Variants in CA6 observed in about 807,000 individuals in gnomAD.
The protein encoded by CA6 is carbonate dehydratase VI.
A neutral mutation model predicts 35.9 loss-of-function variants in CA6; 28 were observed. The observed-to-expected ratio is 0.78, with a 90% CI of 0.58 to 1.07. The LOEUF (loss-of-function observed/expected upper bound fraction) is 1.07. Among genes scored for constraint, CA6 ranks in the 50% least tolerant of loss-of-function variants. The pLI is 0.00. For missense variants in CA6, 377 were observed against 382.0 expected (o/e 0.99, Z 0.11); for synonymous variants, 148 against 152.6 (o/e 0.97, Z 0.22).
chr1:8,974,300 C>T (rs754130068), intron 7 of CA6: 88 of 1,255,046 alleles, frequency 7.0e-5, no homozygotes, highest in South Asian at 1.8e-4. Flanking sequence ...TGGCCAAATA[C>T]GGACCTCTTG....
At chr1:8,955,048 T>A (rs183945655) in intron 2 of CA6, among the ~76,000 whole-genome samples, 1 of 61,532 alleles carries the variant, frequency 1.6e-5, no homozygotes, top group Non-Finnish European at 4.4e-5. Flanking sequence ...CACTGATCCA[T>A]TAATATATAT....
At chr1:8,960,649 G>C (rs1418091102) in intron 4 of CA6, among the ~76,000 whole-genome samples, 5 of 151,648 alleles carry the variant, frequency 3.3e-5, no homozygotes, top group African/African-American at 7.3e-5. Context: ...TTTGAAGATA[G>C]AGCAATGAAA....
chr1:8,946,807 T>TTTG (rs1405236397), intron 1 of CA6, among the ~76,000 whole-genome samples: 7 of 17,340 alleles, frequency 4.0e-4, no homozygotes, highest in African/African-American at 1.4e-3. Context: ...TTTTTTTTGT[T>TTTG]TTTTTTTTTT....
chr1:8,949,526 G>A, intron 2 of CA6, 84 bp downstream of exon 2: 1 of 1,210,116 alleles, frequency 8.3e-7, no homozygotes, highest in Non-Finnish European at 1.2e-6. Flanking sequence ...GCCAGGAATG[G>A]CTTGCACAGA....
At chr1:8,953,516 G>C (rs995450567) in intron 2 of CA6, among the ~76,000 whole-genome samples, 6 of 152,162 alleles carry the variant, frequency 3.9e-5, no homozygotes, top group Admixed American at 2.6e-4. Flanking sequence ...CTACATAGGA[G>C]GTTGAGGTGC....
In CA6 at chr1:8,974,638, T is replaced by C; in HGVS notation, c.861T>C (p.Ser287=). The change falls in exon 8 of 8, where the codon TCT becomes TCC. Residue 287 remains serine (S), a synonymous_variant. Transcript: ENST00000377443. The stretch of plus-strand genomic sequence containing the variant: ...TTTTTACAGAATACACTCTAGGCTC[T>C]GAATTCCAGTTTTACCTACATAAGA... ...NFPNQEYTLG[S]EFQFYLHKIE... The C allele has an allele frequency of 6.2e-7, 1 of 1,606,328 alleles. No individual in the cohort carries two copies. Among genetic ancestry groups the C allele is most frequent in the Non-Finnish European group, 8.5e-7 (1 of 1,174,352 alleles).
At position 8,974,771 on chromosome 1, in the gene CA6, G is replaced by T; in HGVS notation, c.*67G>T. The stretch of plus-strand genomic sequence containing the variant: ...CTGACCTAGCCAGAAGTGCCTGTCC[G>T]CTGCAGCCGCACCCTACCTTGTCTA... On this transcript the variant is annotated 3_prime_UTR_variant, in exon 8 of 8. Transcript: ENST00000377443. The T allele has an allele frequency of 1.2e-6, 1 of 863,824 alleles. No homozygotes were observed. The highest frequency in any genetic ancestry group is 2.7e-5 in the Admixed American group (1 of 37,368). The allele number at this position is 863,824 out of a possible 1,614,324, so 53.5% of individuals were successfully genotyped here.
intron 6 of CA6, among the ~76,000 whole-genome samples, chr1:8,969,653 A>G (rs1640058001): frequency 6.7e-6 from 1 of 150,236 alleles, no homozygotes; most frequent in African/African-American, 2.4e-5. Flanking sequence ...GTGTGTAGAT[A>G]TGTGTGTGTG....
At chr1:8,946,658 C>T (rs1021404388) in intron 1 of CA6, among the ~76,000 whole-genome samples, 1 of 151,978 alleles carries the variant, frequency 6.6e-6, no homozygotes, top group Admixed American at 6.6e-5. Context: ...AAAAGACTCT[C>T]GGTAACCTCA....
intron 6 of CA6, among the ~76,000 whole-genome samples, chr1:8,970,205 C>CAAAA (rs57388930): frequency 2.3e-5 from 2 of 88,024 alleles, no homozygotes; most frequent in Admixed American, 1.2e-4. Flanking sequence ...ACTCTGGTCT[C>CAAAA]AAAAAAAAAA....
chr1:8,969,070 C>T (rs1481852793), intron 6 of CA6, among the ~76,000 whole-genome samples: 2 of 150,296 alleles, frequency 1.3e-5, no homozygotes, highest in African/African-American at 4.9e-5. Flanking sequence ...AATCCCAGCA[C>T]TTTGGGACGC....
intron 2 of CA6, among the ~76,000 whole-genome samples, chr1:8,955,437 G>C (rs1639648211): frequency 6.6e-6 from 1 of 152,084 alleles, no homozygotes; most frequent in African/African-American, 2.4e-5. Context: ...TTTCCAATTG[G>C]GCCTGTGTGG....
intron 1 of CA6, among the ~76,000 whole-genome samples, chr1:8,946,341 C>T (rs1219823104): frequency 6.6e-6 from 1 of 151,342 alleles, no homozygotes; most frequent in Non-Finnish European, 1.5e-5. Flanking sequence ...CAAGAGTCCT[C>T]CTTTAGGGCA....
rs760901982 is a variant in CA6, at chr1:8,949,250, T to C, written c.80-13T>C. 1.3e-6 allele frequency: 2 copies of C among 1,581,128 alleles called. No homozygotes were observed. The highest frequency in any genetic ancestry group is 1.7e-6 in the Non-Finnish European group (2 of 1,163,834). On this transcript the variant is annotated splice_polypyrimidine_tract_variant and intron_variant, in intron 1 of 7. Coordinates refer to ENST00000377443, the MANE Select transcript of CA6 (RefSeq NM_001215.4). ...GCCAGGCAGCCCCTTGAACTGTGTC[T>C]TTCCTGTCTTAGAAGGGGCACTGGA...
chr1:8,959,971 C>T (rs143588847), intron 4 of CA6, among the ~76,000 whole-genome samples: 4,195 of 143,378 alleles, frequency 0.029, 170 homozygotes, highest in African/African-American at 0.09. Flanking sequence ...ATGGCTCATG[C>T]CTGTAATCCC....
intron 6 of CA6, among the ~76,000 whole-genome samples, chr1:8,968,837 G>A (rs184111291): frequency 1.9e-3 from 291 of 151,816 alleles, no homozygotes; most frequent in Non-Finnish European, 3.1e-3. Context: ...CCAACATGGT[G>A]GAACCCCGTC....
intron 4 of CA6, among the ~76,000 whole-genome samples, chr1:8,959,701 G>A (rs566034531): frequency 1.3e-5 from 2 of 152,060 alleles, no homozygotes; most frequent in East Asian, 3.9e-4. Context: ...GGAGGCCAAG[G>A]TGGATGGATC....
intron 6 of CA6, among the ~76,000 whole-genome samples, chr1:8,970,574 T>C (rs1468589096): frequency 6.6e-6 from 1 of 152,128 alleles, no homozygotes; most frequent in African/African-American, 2.4e-5. Flanking sequence ...GGTTGCGTGA[T>C]ACTGGCTTAC....
intron 7 of CA6, among the ~76,000 whole-genome samples, chr1:8,972,654 G>A (rs1640140410): frequency 6.6e-6 from 1 of 152,068 alleles, no homozygotes; most frequent in South Asian, 2.1e-4. Context: ...CTGCACTCCA[G>A]CCTGGGCGAC....
Sources: allele counts gnomAD v4.1 joint callset (sites outside exome capture counted in the v4.1 genomes callset), GRCh38; gene constraint gnomAD v4.1.1; transcripts MANE v1.5; gene names NCBI Gene and HGNC (gene_info 2026-07-23, HGNC 2026-07-21).